Variants in PCDHGA7 observed in about 807,000 individuals in gnomAD.
PCDHGA7 encodes protocadherin gamma-A7.
Under a neutral mutation model 58.3 loss-of-function variants are expected in PCDHGA7, and 44 were observed. The observed-to-expected ratio is 0.75, with a 90% CI of 0.59 to 0.97. PCDHGA7 has a LOEUF of 0.97. Among genes scored for constraint, PCDHGA7 ranks in the 50% least tolerant of loss-of-function variants. The probability of loss-of-function intolerance (pLI) is 0.00; values close to 1 mark genes in which losing one functional copy is unlikely to be tolerated. For missense variants in PCDHGA7, 1,266 were observed against 1,188.7 expected (o/e 1.06, Z -0.96); for synonymous variants, 516 against 504.2 (o/e 1.02, Z -0.31).
intron 1 of PCDHGA7, among the ~76,000 whole-genome samples, chr5:141,397,195 GAT>G (rs2093485710): frequency 1.3e-5 from 2 of 152,150 alleles, no homozygotes; most frequent in Admixed American, 1.3e-4. Context: ...TACTGTAAAA[GAT>G]ATGACATAAG....
chr5:141,403,632 G>A (rs759489331), intron 1 of PCDHGA7: 2 of 1,613,916 alleles, frequency 1.2e-6, no homozygotes, highest in Admixed American at 1.7e-5. Context: ...AGCACAGTGC[G>A]CATCCATGTG....
At chr5:141,398,633 A>C (rs749131705) in intron 1 of PCDHGA7, 4 of 1,613,946 alleles carry the variant, frequency 2.5e-6, no homozygotes, top group Non-Finnish European at 3.4e-6. Flanking sequence ...TCTCTGCAGA[A>C]GTATAAACTC....
At chr5:141,462,039 T>A (rs569871892) in intron 1 of PCDHGA7, among the ~76,000 whole-genome samples, 1 of 152,276 alleles carries the variant, frequency 6.6e-6, no homozygotes, top group Non-Finnish European at 1.5e-5. Flanking sequence ...GTCAGGCGGG[T>A]CTTGAACTCC....
chr5:141,397,298 T>C (rs140040192), intron 1 of PCDHGA7, among the ~76,000 whole-genome samples: 13 of 152,318 alleles, frequency 8.5e-5, no homozygotes, highest in African/African-American at 2.9e-4. Context: ...AATGAATATT[T>C]CCTGAAGTAG....
intron 1 of PCDHGA7, among the ~76,000 whole-genome samples, chr5:141,464,301 T>A (rs1237581605): frequency 6.6e-6 from 1 of 150,782 alleles, no homozygotes; most frequent in Non-Finnish European, 1.5e-5. Flanking sequence ...CTCCATTGTA[T>A]GTGCACATAT....
Position 141,491,652 on chromosome 5 carries a change from G to T in PCDHGA7, c.2425-3155G>T. ...AGCAGCCCACAGCTCTGGCGCTGGA[G>T]CCTGACGCCATCCGGTCCCGCTCTA... On this transcript the variant is annotated intron_variant, in intron 1 of 3. Transcript: ENST00000518325. The surrounding 1 kb of genome is among the most constrained non-coding windows in gnomAD (Gnocchi z 6.9). The T allele has an allele frequency of 6.2e-7, 1 of 1,613,844 alleles. No homozygotes were observed.
Position 141,409,737 on chromosome 5 carries a change from G to C in PCDHGA7, c.2424+24414G>C, listed in dbSNP as rs199531162. The C allele has an allele frequency of 1.4e-3, 2,254 of 1,613,108 alleles. 2 individuals carry two copies. Among genetic ancestry groups the C allele is most frequent in the Non-Finnish European group, 1.8e-3 (2,079 of 1,179,866 alleles). On this transcript the variant is annotated intron_variant, in intron 1 of 3. Coordinates refer to ENST00000518325, the MANE Select transcript of PCDHGA7 (RefSeq NM_018920.4). ...TACGTGTCAGTGAGCGCGCAGAGCGGGGTGGTGTTCGCGCAGCGCGCCTTT... is the reference window on the plus strand; with the variant it reads ...TACGTGTCAGTGAGCGCGCAGAGCGCGGTGGTGTTCGCGCAGCGCGCCTTT...
rs1460389320 is a variant in PCDHGA7 at position 141,490,134 on chromosome 5, C to T, written c.2425-4673C>T. The T allele has an allele frequency of 2.5e-6, 4 of 1,614,114 alleles. No homozygotes were observed. Among genetic ancestry groups the T allele is most frequent in the Admixed American group, 3.3e-5 (2 of 59,998 alleles). ...GGAACCTCTTTGGCCTAGACCCTAG[C>T]AGTGGGGCAATCCATGTGTTGGGTC... On this transcript the variant is annotated intron_variant, in intron 1 of 3. Coordinates refer to ENST00000518325, the MANE Select transcript of PCDHGA7 (RefSeq NM_018920.4). This position sits in a 1 kb window ranked among gnomAD's most constrained non-coding sequence, Gnocchi z 5.4.
intron 1 of PCDHGA7, among the ~76,000 whole-genome samples, chr5:141,442,910 C>G (rs1419319938): frequency 6.6e-6 from 1 of 152,196 alleles, no homozygotes; most frequent in African/African-American, 2.4e-5. Flanking sequence ...TCCTTCAGCA[C>G]ACAACTGTTT....
At chr5:141,420,725 C>T (rs1468308275) in intron 1 of PCDHGA7, among the ~76,000 whole-genome samples, 1 of 152,188 alleles carries the variant, frequency 6.6e-6, no homozygotes, top group African/African-American at 2.4e-5. Flanking sequence ...TCCTTTCAGT[C>T]GGTTAAAATC....
chr5:141,389,991 G>T (rs561094692), intron 1 of PCDHGA7: 2 of 1,614,016 alleles, frequency 1.2e-6, no homozygotes, highest in African/African-American at 2.7e-5. Flanking sequence ...GCTCTTCCTC[G>T]TGGCCATGAT....
intron 1 of PCDHGA7, among the ~76,000 whole-genome samples, chr5:141,387,541 T>C (rs1198504274): frequency 6.6e-6 from 1 of 152,252 alleles, no homozygotes; most frequent in Non-Finnish European, 1.5e-5. Flanking sequence ...CACGTAGTTT[T>C]TGTTCTTTCA....
chr5:141,469,404 G>A (rs1439441297), intron 1 of PCDHGA7, among the ~76,000 whole-genome samples: 7 of 151,874 alleles, frequency 4.6e-5, no homozygotes, highest in African/African-American at 1.5e-4. Flanking sequence ...GTGAAACCCC[G>A]TTTCTACTAA....
Position 141,421,262 on chromosome 5 carries a change from G to GGCTGCT in PCDHGA7, c.2424+35950_2424+35955dup, listed in dbSNP as rs748368476. 11 of 1,609,598 alleles carry GGCTGCT rather than the reference G, an allele frequency of 6.8e-6. No individual in the cohort carries two copies. The Admixed American group carries it at 8.4e-5, about 12-fold the overall frequency. ...CGGCTACAGCGCGGGGACCGCAGTC[G>GGCTGCT]GCTGCTGCTGCTGCTGTGCATTTTC... is the stretch of plus-strand genomic sequence containing the variant. On this transcript the variant is annotated intron_variant, in intron 1 of 3. Coordinates refer to ENST00000518325, the MANE Select transcript of PCDHGA7 (RefSeq NM_018920.4).
chr5:141,431,603 C>T lies in PCDHGA7; in HGVS notation c.2424+46280C>T, dbSNP rs746243366. On this transcript the variant is annotated intron_variant, in intron 1 of 3. Coordinates refer to ENST00000518325, the MANE Select transcript of PCDHGA7 (RefSeq NM_018920.4). This position sits in a 1 kb window ranked among gnomAD's most constrained non-coding sequence, Gnocchi z 4.8. ...CAATGCGGAAGTGAGGTATTCCTTC[C>T]GGTATGTGGACGACAAGGCGGCCCA... is the stretch of plus-strand genomic sequence containing the variant. 1.1e-5 allele frequency: 17 copies of T among 1,614,212 alleles called. No individual in the cohort carries two copies. Among genetic ancestry groups the T allele is most frequent in the Non-Finnish European group, 1.4e-5 (16 of 1,180,044 alleles).
intron 1 of PCDHGA7, chr5:141,428,402 G>T (rs899477196): frequency 1.7e-5 from 8 of 479,776 alleles, no homozygotes; most frequent in African/African-American, 1.4e-4. Flanking sequence ...TCTGCCTGGG[G>T]TTGCTTTCAC....
At chr5:141,441,102 C>G (rs1057297804) in intron 1 of PCDHGA7, 1 of 152,148 alleles carries the variant, frequency 6.6e-6, no homozygotes, top group East Asian at 1.9e-4. Context: ...GAGAGGGACT[C>G]ATTGTCCAGT....
chr5:141,502,003 G>A (rs945565369), intron 2 of PCDHGA7, among the ~76,000 whole-genome samples: 17 of 151,966 alleles, frequency 1.1e-4, no homozygotes, highest in Admixed American at 1.1e-3. Flanking sequence ...CTGACAACCC[G>A]CATGCTCTCC....
chr5:141,399,559 G>C, intron 1 of PCDHGA7: 1 of 1,614,038 alleles, frequency 6.2e-7, no homozygotes, highest in Non-Finnish European at 8.5e-7. Context: ...CCTGGACTTG[G>C]GGTTGAACGG....
Sources: gnomAD v4.1 joint callset for allele counts (sites outside exome capture counted in the v4.1 genomes callset) on GRCh38, gnomAD v4.1.1 for gene constraint, Gnocchi (gnomAD v3.1) non-coding constraint, MANE v1.5 for transcripts, NCBI Gene and HGNC (gene_info 2026-07-23, HGNC 2026-07-21) for gene names.